The following NRG3 variants were observed in gnomAD, a reference collection of about 807,000 sequenced individuals.
NRG3 encodes the protein neuregulin 3.
In NRG3, 31 loss-of-function variants were observed where a neutral mutation model predicts 66.9. The observed-to-expected ratio is 0.46, with a 90% CI of 0.35 to 0.63. The LOEUF is 0.63. Among genes scored for constraint, NRG3 ranks in the 20% least tolerant of loss-of-function variants. The pLI is 0.00. For missense variants in NRG3, 910 were observed against 878.9 expected, an observed-to-expected ratio of 1.04 and a Z score of -0.45; for synonymous variants, 393 against 359.4, an observed-to-expected ratio of 1.09 and a Z score of -1.06.
chr10:82,423,880 A>C (rs1346308595), intron 2 of NRG3, among the ~76,000 whole-genome samples: 2 of 152,032 alleles, frequency 1.3e-5, no homozygotes, highest in Non-Finnish European at 2.9e-5. Context: ...ATTTCATACA[A>C]ATTGAATCCT....
intron 1 of NRG3, among the ~76,000 whole-genome samples, chr10:82,340,169 T>C (rs1447937960): frequency 6.6e-6 from 1 of 152,130 alleles, no homozygotes; most frequent in Non-Finnish European, 1.5e-5. Flanking sequence ...TGTTATAATC[T>C]CAGTTTCTCA....
At chr10:82,576,515 G>T (rs911607107) in intron 2 of NRG3, among the ~76,000 whole-genome samples, 6 of 151,678 alleles carry the variant, frequency 4.0e-5, no homozygotes, top group Non-Finnish European at 8.9e-5. Flanking sequence ...CTGAGGAAAG[G>T]AACACAAAAG....
chr10:82,149,290 A>G (rs1212884516), intron 1 of NRG3, among the ~76,000 whole-genome samples: 2 of 152,170 alleles, frequency 1.3e-5, no homozygotes, highest in African/African-American at 4.8e-5. Context: ...TTAATACATT[A>G]TAAATTCCTA....
At chr10:82,366,529 T>C (rs1389203398) in intron 2 of NRG3, among the ~76,000 whole-genome samples, 6 of 152,208 alleles carry the variant, frequency 3.9e-5, no homozygotes, top group Admixed American at 3.9e-4. Flanking sequence ...TCATTGCTTT[T>C]CTTAACGACT....
chr10:82,886,691 AC>A (rs1428401607), intron 4 of NRG3, among the ~76,000 whole-genome samples: 1 of 152,186 alleles, frequency 6.6e-6, no homozygotes, highest in Admixed American at 6.5e-5. Context: ...TCTTATACTT[AC>A]TGAGAACTGA....
chr10:82,249,595 C>T (rs906391728), intron 1 of NRG3, among the ~76,000 whole-genome samples: 1 of 152,004 alleles, frequency 6.6e-6, no homozygotes, highest in Non-Finnish European at 1.5e-5. Flanking sequence ...ATAACCACAC[C>T]CTGACCCACT....
At chr10:82,249,495 A>G (rs2077390174) in intron 1 of NRG3, among the ~76,000 whole-genome samples, 2 of 152,230 alleles carry the variant, frequency 1.3e-5, no homozygotes, top group Non-Finnish European at 2.9e-5. Flanking sequence ...CTTTTGGCTC[A>G]TAGTAGCAGA....
intron 1 of NRG3, chr10:82,224,102 T>G (rs1019571804): frequency 3.3e-5 from 5 of 152,202 alleles, no homozygotes; most frequent in Non-Finnish European, 5.9e-5. Flanking sequence ...CTGGCCTCCA[T>G]GCAGGGACAA....
At chr10:82,486,200 T>G (rs1423145929) in intron 2 of NRG3, among the ~76,000 whole-genome samples, 1 of 152,070 alleles carries the variant, frequency 6.6e-6, no homozygotes, top group Admixed American at 6.5e-5. Context: ...CCCTTGTATA[T>G]TATTGGTGGG....
At chr10:82,720,458 A>G (rs1432764642) in intron 2 of NRG3, among the ~76,000 whole-genome samples, 7 of 152,136 alleles carry the variant, frequency 4.6e-5, no homozygotes, top group Non-Finnish European at 1.5e-5. Context: ...AGTGCTCAAG[A>G]GCAACAAGAG....
At chr10:81,884,068 C>G (rs1489917495) in intron 1 of NRG3, among the ~76,000 whole-genome samples, 1 of 152,198 alleles carries the variant, frequency 6.6e-6, no homozygotes, top group East Asian at 1.9e-4. Flanking sequence ...TAGAGTTAAT[C>G]AAGCTGGGCT....
intron 7 of NRG3, 116 bp downstream of exon 7, chr10:82,974,031 G>C: frequency 8.6e-7 from 1 of 1,160,714 alleles, no homozygotes; most frequent in Non-Finnish European, 1.2e-6. Flanking sequence ...TGCTTCTCCT[G>C]TAGTTCTCTG....
At chr10:82,008,421 T>A (rs890564050) in intron 1 of NRG3, among the ~76,000 whole-genome samples, 2 of 152,196 alleles carry the variant, frequency 1.3e-5, no homozygotes, top group Non-Finnish European at 2.9e-5. Context: ...GCTATAAATA[T>A]TACATAGGTG....
intron 2 of NRG3, among the ~76,000 whole-genome samples, chr10:82,720,365 G>T (rs67205390): frequency 0.11 from 16,097 of 151,844 alleles, 1,257 homozygotes; most frequent in African/African-American, 0.22. Context: ...ACTCCAGCCT[G>T]GGTGACTGGT....
chr10:82,230,203 C>G (rs149668276), intron 1 of NRG3: 1 of 152,150 alleles, frequency 6.6e-6, no homozygotes, highest in African/African-American at 2.4e-5. Flanking sequence ...ATATCCTAAT[C>G]CACTTACCTT....
At chr10:82,034,698 A>ACTTTCCATATTAC (rs113560067) in intron 1 of NRG3, among the ~76,000 whole-genome samples, 1 of 151,730 alleles carries the variant, frequency 6.6e-6, no homozygotes, top group South Asian at 2.1e-4. Flanking sequence ...CCTGTTTCTT[A>ACTTTCCATATTAC]CTCCTTGTCA....
chr10:82,174,925 A>G (rs975478608), intron 1 of NRG3, among the ~76,000 whole-genome samples: 1 of 152,078 alleles, frequency 6.6e-6, no homozygotes, highest in Non-Finnish European at 1.5e-5. Context: ...TCAATTTACA[A>G]ATTCCTGAAA....
chr10:82,006,691 AT>A (rs2061388840), intron 1 of NRG3, among the ~76,000 whole-genome samples: 1 of 151,980 alleles, frequency 6.6e-6, no homozygotes, highest in African/African-American at 2.4e-5. Context: ...CATGTATTGG[AT>A]AGTCTATCTT....
intron 3 of NRG3, among the ~76,000 whole-genome samples, chr10:82,840,087 T>C (rs986922070): frequency 6.6e-6 from 1 of 152,192 alleles, no homozygotes; most frequent in South Asian, 2.1e-4. Context: ...TTTCAACCTA[T>C]ATCTGTATAA....
Sources: gnomAD v4.1 joint callset for allele counts (sites outside exome capture counted in the v4.1 genomes callset) on GRCh38, gnomAD v4.1.1 for gene constraint, MANE v1.5 for transcripts, NCBI Gene and HGNC (gene_info 2026-07-23, HGNC 2026-07-21) for gene names.